The following GPC5 variants were observed in gnomAD, a reference collection of about 807,000 sequenced individuals.
GPC5 encodes glypican-5.
In GPC5, 47 loss-of-function variants were observed where a neutral mutation model predicts 53.9. That is an observed-to-expected ratio of 0.87 (90% CI 0.69 to 1.11). GPC5 has a LOEUF of 1.11. GPC5 is among the 50% of genes most tolerant of loss of function. The probability of loss-of-function intolerance (pLI) is 0.00; values close to 1 mark genes in which losing one functional copy is unlikely to be tolerated. For synonymous variants in GPC5, 286 were observed against 263.3 expected, an observed-to-expected ratio of 1.09 and a Z score of -0.84; for missense variants, 748 against 713.1, an observed-to-expected ratio of 1.05 and a Z score of -0.56.
chr13:92,753,001 G>A (rs1462053640), intron 7 of GPC5, among the ~76,000 whole-genome samples: 4 of 152,190 alleles, frequency 2.6e-5, no homozygotes, highest in Non-Finnish European at 2.9e-5. Context: ...GCTCAGGGAG[G>A]CCTGCCTGCC....
intron 7 of GPC5, among the ~76,000 whole-genome samples, chr13:92,436,222 AGT>A (rs1482940262): frequency 6.6e-6 from 1 of 152,168 alleles, no homozygotes; most frequent in Non-Finnish European, 1.5e-5. Context: ...GTTTCTTCTA[AGT>A]GTGGCTAAAA....
At chr13:92,354,264 A>C (rs1395371092) in intron 7 of GPC5, among the ~76,000 whole-genome samples, 1 of 152,210 alleles carries the variant, frequency 6.6e-6, no homozygotes, top group Non-Finnish European at 1.5e-5. Context: ...TTCATATTAA[A>C]TCATGGATTC....
intron 5 of GPC5, among the ~76,000 whole-genome samples, chr13:91,762,078 A>G (rs185310900): frequency 2.0e-5 from 3 of 152,202 alleles, no homozygotes; most frequent in Non-Finnish European, 2.9e-5. Flanking sequence ...CATTATTTCT[A>G]CTTCATCTTG....
At chr13:92,131,840 T>C (rs1396000400) in intron 6 of GPC5, among the ~76,000 whole-genome samples, 1 of 152,048 alleles carries the variant, frequency 6.6e-6, no homozygotes, top group Non-Finnish European at 1.5e-5. Context: ...GTGTAAATTA[T>C]ATATTAATAT....
intron 4 of GPC5, among the ~76,000 whole-genome samples, chr13:91,740,091 G>A (rs193079063): frequency 2.6e-5 from 4 of 152,156 alleles, no homozygotes; most frequent in Non-Finnish European, 5.9e-5. Context: ...AGCTTCTTCC[G>A]CCACACCTGC....
At chr13:92,782,377 G>C (rs1021685680) in intron 7 of GPC5, among the ~76,000 whole-genome samples, 1 of 152,104 alleles carries the variant, frequency 6.6e-6, no homozygotes, top group Non-Finnish European at 1.5e-5. Context: ...AGGCAAACAA[G>C]GTCACTGCAG....
At chr13:91,449,785 T>C (rs1263645558) in intron 2 of GPC5, among the ~76,000 whole-genome samples, 1 of 152,166 alleles carries the variant, frequency 6.6e-6, no homozygotes, top group Admixed American at 6.6e-5. Flanking sequence ...GTTTTTCTTA[T>C]TTTAGTCATC....
chr13:92,059,683 C>T (rs983105667), intron 6 of GPC5, among the ~76,000 whole-genome samples: 8 of 151,850 alleles, frequency 5.3e-5, no homozygotes, highest in Non-Finnish European at 8.8e-5. Context: ...TAAGATGTTT[C>T]CATATTTCAT....
intron 4 of GPC5, among the ~76,000 whole-genome samples, chr13:91,739,883 C>T (rs1406239915): frequency 6.6e-6 from 1 of 151,402 alleles, no homozygotes; most frequent in Admixed American, 6.6e-5. Context: ...TGGCTCTCAT[C>T]CATCTCATCC....
At chr13:92,267,842 A>T (rs1222551931) in intron 7 of GPC5, among the ~76,000 whole-genome samples, 1 of 152,130 alleles carries the variant, frequency 6.6e-6, no homozygotes, top group Non-Finnish European at 1.5e-5. Context: ...ATCTGACCCT[A>T]TAAGAAGAAA....
intron 7 of GPC5, among the ~76,000 whole-genome samples, chr13:92,515,715 G>T (rs1379418070): frequency 2.0e-5 from 3 of 152,082 alleles, no homozygotes; most frequent in Non-Finnish European, 4.4e-5. Context: ...ACCAAAAATG[G>T]AAATCCTGGT....
At chr13:92,077,385 C>A (rs2041260479) in intron 6 of GPC5, among the ~76,000 whole-genome samples, 3 of 152,102 alleles carry the variant, frequency 2.0e-5, no homozygotes, top group African/African-American at 7.2e-5. Flanking sequence ...AGTGAGGTAA[C>A]AGACTTTTTG....
chr13:92,358,202 T>A lies in GPC5; in HGVS notation c.1561+213213T>A, dbSNP rs77574628. 4.7e-4 allele frequency among the ~76,000 whole-genome samples: 72 copies of A among 151,914 alleles called. No individual in the cohort carries two copies. The East Asian group carries it at 0.013, about 27-fold the overall frequency. ...CTCCATGCAAGTCCAAAACCCAGCA[T>A]GGCAGTCAACTAAATCTTAAAGCTC... On this transcript the variant is annotated intron_variant, in intron 7 of 7. Coordinates refer to ENST00000377067, the MANE Select transcript of GPC5 (RefSeq NM_004466.6).
chr13:92,421,627 A>AG (rs1408132852), intron 7 of GPC5, among the ~76,000 whole-genome samples: 1 of 139,696 alleles, frequency 7.2e-6, no homozygotes, highest in Non-Finnish European at 1.5e-5. Flanking sequence ...TGAACCCTGG[A>AG]GGAGGAGCTT....
At chr13:91,462,600 G>T (rs1027851184) in intron 2 of GPC5, among the ~76,000 whole-genome samples, 3 of 152,120 alleles carry the variant, frequency 2.0e-5, no homozygotes, top group Admixed American at 2.0e-4. Flanking sequence ...GTAAGACATT[G>T]TAGAGGGTTT....
At chr13:92,359,971 G>C (rs933783546) in intron 7 of GPC5, among the ~76,000 whole-genome samples, 1 of 151,564 alleles carries the variant, frequency 6.6e-6, no homozygotes, top group Non-Finnish European at 1.5e-5. Context: ...ATAGGTGCTG[G>C]ATATTAGACC....
chr13:92,381,994 C>G (rs1256145421), intron 7 of GPC5, among the ~76,000 whole-genome samples: 2 of 147,242 alleles, frequency 1.4e-5, no homozygotes, highest in African/African-American at 5.0e-5. Flanking sequence ...ATCTATCTAT[C>G]TATCTATCTA....
chr13:92,561,278 ATAAC>A (rs1882687007), intron 7 of GPC5, among the ~76,000 whole-genome samples: 1 of 152,030 alleles, frequency 6.6e-6, no homozygotes, highest in Non-Finnish European at 1.5e-5. Flanking sequence ...AATATGAAGA[ATAAC>A]TAACAGGCAT....
chr13:92,192,170 T>C (rs188273291), intron 7 of GPC5, among the ~76,000 whole-genome samples: 1 of 144,724 alleles, frequency 6.9e-6, no homozygotes, highest in Admixed American at 6.7e-5. Flanking sequence ...ATACTTGTTA[T>C]TATACATTTG....
Sources: gnomAD v4.1 joint callset for allele counts (sites outside exome capture counted in the v4.1 genomes callset) on GRCh38, gnomAD v4.1.1 for gene constraint, MANE v1.5 for transcripts, NCBI Gene and HGNC (gene_info 2026-07-23, HGNC 2026-07-21) for gene names.